The following GUCY1A2 variants were observed in gnomAD, a reference collection of about 807,000 sequenced individuals.
The protein encoded by GUCY1A2 is guanylate cyclase soluble subunit alpha-2.
GUCY1A2 carries 27 observed loss-of-function variants against 63.5 expected under a neutral mutation model. That is an observed-to-expected ratio of 0.43 (90% CI 0.31 to 0.59). The LOEUF is 0.59. GUCY1A2 is among the 20% of genes least tolerant of loss of function. The pLI is 0.11. For missense variants in GUCY1A2, 768 were observed against 913.3 expected (o/e 0.84, Z 2.05); for synonymous variants, 364 against 343.5 (o/e 1.06, Z -0.66).
chr11:106,832,591 AT>A (rs1287493626), intron 4 of GUCY1A2, among the ~76,000 whole-genome samples: 1 of 152,074 alleles, frequency 6.6e-6, no homozygotes, highest in East Asian at 1.9e-4. Context: ...TCACTAGAGA[AT>A]GAGCTTTTTA....
chr11:106,730,242 T>C (rs1444331331), intron 6 of GUCY1A2, among the ~76,000 whole-genome samples: 1 of 151,582 alleles, frequency 6.6e-6, no homozygotes. Context: ...TAGTACCTGA[T>C]AGGTAGTTTT....
chr11:106,867,038 CAAAT>C (rs1384528985), intron 4 of GUCY1A2, among the ~76,000 whole-genome samples: 5 of 152,046 alleles, frequency 3.3e-5, no homozygotes, highest in African/African-American at 1.2e-4. Flanking sequence ...TGCATTTCAA[CAAAT>C]AATACCAAGT....
intron 7 of GUCY1A2, among the ~76,000 whole-genome samples, chr11:106,703,733 TTAATC>T (rs1432667888): frequency 2.6e-5 from 4 of 151,874 alleles, no homozygotes; most frequent in African/African-American, 4.8e-5. Flanking sequence ...CAGTAAGTAA[TTAATC>T]TAATTAGTAA....
chr11:106,941,083 A>G (rs1361831401), intron 3 of GUCY1A2, among the ~76,000 whole-genome samples: 2 of 152,212 alleles, frequency 1.3e-5, no homozygotes, highest in African/African-American at 2.4e-5. Context: ...GAAAAGGAGA[A>G]AAAACAAGAA....
chr11:106,903,573 G>GT (rs952055704), intron 4 of GUCY1A2, among the ~76,000 whole-genome samples: 2 of 152,118 alleles, frequency 1.3e-5, no homozygotes, highest in African/African-American at 2.4e-5. Flanking sequence ...GAAAGCTGGG[G>GT]TTTTTTAAAA....
At chr11:106,883,136 T>G (rs550758110) in intron 4 of GUCY1A2, among the ~76,000 whole-genome samples, 1 of 152,194 alleles carries the variant, frequency 6.6e-6, no homozygotes, top group South Asian at 2.1e-4. Flanking sequence ...ATAACACTAC[T>G]GAACCACTTA....
chr11:106,861,021 T>G (rs1179898418), intron 4 of GUCY1A2, among the ~76,000 whole-genome samples: 4 of 151,856 alleles, frequency 2.6e-5, no homozygotes, highest in Non-Finnish European at 5.9e-5. Flanking sequence ...ATTATTTGCT[T>G]ATGAAGAGGA....
chr11:106,835,569 G>A (rs1205821954), intron 4 of GUCY1A2, among the ~76,000 whole-genome samples: 2 of 151,366 alleles, frequency 1.3e-5, no homozygotes, highest in African/African-American at 2.4e-5. Flanking sequence ...ATGAACTCAC[G>A]ATATCAAGCA....
At chr11:106,733,695 C>T (rs7950329) in intron 6 of GUCY1A2, among the ~76,000 whole-genome samples, 42,240 of 151,652 alleles carry the variant, frequency 0.28, 6,093 homozygotes, top group Non-Finnish European at 0.31. Flanking sequence ...GTGGTGGGGA[C>T]AGGCCAGGGG....
rs1010346845 is a variant in GUCY1A2, at chr11:106,684,617, T to C, written c.*2932A>G. 1.0e-5 allele frequency: 2 copies of C among 200,512 alleles called. No individual in the cohort carries two copies. The highest frequency in any genetic ancestry group is 1.9e-4 in the South Asian group (1 of 5,248). 12.4% of individuals were successfully genotyped at this position (200,512 alleles called of 1,614,324 possible). A position where few individuals can be genotyped will look rare whatever the true frequency, so the allele number is the denominator to read the frequency against. On this transcript the variant is annotated 3_prime_UTR_variant, in exon 8 of 8. Transcript: ENST00000526355. ...TACCAACGTGATGCTTTGGTGCTAA[T>C]GGCTAGTTATAAGGTGCCTTCTTCC...
rs918731621 is a variant in GUCY1A2, at chr11:106,674,697, A to G, written c.*12852T>C. 7.7e-5 allele frequency: 15 copies of G among 195,464 alleles called. 1 individual carries two copies. Among genetic ancestry groups the G allele is most frequent in the African/African-American group, 2.8e-4 (12 of 43,226 alleles). 12.1% of individuals were successfully genotyped at this position (195,464 alleles called of 1,614,324 possible). ...GATAACTCAATTTTTAAAAGATATT[A>G]TTCACAAAGTAAATCTAATAACAAA... On this transcript the variant is annotated 3_prime_UTR_variant, in exon 8 of 8. Coordinates refer to ENST00000526355, the MANE Select transcript of GUCY1A2 (RefSeq NM_000855.3).
At chr11:106,856,435 C>G (rs1317727120) in intron 4 of GUCY1A2, among the ~76,000 whole-genome samples, 2 of 150,218 alleles carry the variant, frequency 1.3e-5, no homozygotes, top group Non-Finnish European at 3.0e-5. Context: ...CTTTTTTTTT[C>G]TGAATCTGAA....
At chr11:106,992,282 G>A (rs991977453) in intron 1 of GUCY1A2, among the ~76,000 whole-genome samples, 6 of 150,400 alleles carry the variant, frequency 4.0e-5, no homozygotes, top group East Asian at 2.0e-4. Flanking sequence ...TCACCCTCAC[G>A]TGACGAAAAG....
chr11:107,005,512 G>A (rs1861659918), intron 1 of GUCY1A2, among the ~76,000 whole-genome samples: 1 of 152,200 alleles, frequency 6.6e-6, no homozygotes. Flanking sequence ...GGGCTCAAGC[G>A]ATCCTCCCAT....
intron 4 of GUCY1A2, among the ~76,000 whole-genome samples, chr11:106,938,065 G>A (rs1335846633): frequency 1.3e-5 from 2 of 152,036 alleles, no homozygotes; most frequent in Non-Finnish European, 2.9e-5. Flanking sequence ...AGCCTCCTGA[G>A]TAGCTGGGAT....
intron 4 of GUCY1A2, among the ~76,000 whole-genome samples, chr11:106,829,214 G>A (rs1298179124): frequency 6.6e-6 from 1 of 152,160 alleles, no homozygotes; most frequent in African/African-American, 2.4e-5. Context: ...CAGTGGTGTG[G>A]AACACACAAT....
At chr11:106,707,298 T>A (rs535236578) in intron 7 of GUCY1A2, among the ~76,000 whole-genome samples, 1 of 152,230 alleles carries the variant, frequency 6.6e-6, no homozygotes, top group Non-Finnish European at 1.5e-5. Context: ...GATACCAAAT[T>A]ACCCTCTAAT....
At chr11:106,698,984 G>T (rs533269709) in intron 7 of GUCY1A2, among the ~76,000 whole-genome samples, 80 of 152,230 alleles carry the variant, frequency 5.3e-4, no homozygotes, top group African/African-American at 1.9e-3. Context: ...AGTATGCAAA[G>T]AAAATGCTTC....
intron 5 of GUCY1A2, among the ~76,000 whole-genome samples, chr11:106,781,615 G>A (rs1366906774): frequency 1.3e-5 from 2 of 152,124 alleles, no homozygotes; most frequent in South Asian, 2.1e-4. Flanking sequence ...TTAGACTGGA[G>A]TACGGTGGCA....
Sources: allele counts gnomAD v4.1 joint callset (sites outside exome capture counted in the v4.1 genomes callset), GRCh38; gene constraint gnomAD v4.1.1; transcripts MANE v1.5; gene names NCBI Gene and HGNC (gene_info 2026-07-23, HGNC 2026-07-21).